Variants in FAM229A observed in about 807,000 individuals in gnomAD.
FAM229A encodes the protein protein FAM229A.
In FAM229A, 9 loss-of-function variants were observed where a neutral mutation model predicts 10.0. The ratio of observed to expected loss-of-function variants is 0.90; its 90% confidence interval spans 0.54 to 1.56. The LOEUF (loss-of-function observed/expected upper bound fraction) is 1.56, where lower values mean the gene tolerates loss of function less well. Among genes scored for constraint, FAM229A ranks in the 40% most tolerant of loss-of-function variants. The pLI is 0.00. For synonymous variants in FAM229A, 93 were observed against 90.1 expected, an observed-to-expected ratio of 1.03 and a Z score of -0.19; for missense variants, 196 against 197.6, an observed-to-expected ratio of 0.99 and a Z score of 0.05.
chr1:32,362,107 G>A lies in FAM229A; in HGVS notation c.-16C>T. The A allele has an allele frequency of 7.3e-7, 1 of 1,368,552 alleles. No homozygotes were observed. The highest frequency in any genetic ancestry group is 9.4e-7 in the Non-Finnish European group (1 of 1,063,058). 84.8% of individuals were successfully genotyped at this position (1,368,552 alleles called of 1,614,324 possible). A position where few individuals can be genotyped will look rare whatever the true frequency, so the allele number is the denominator to read the frequency against. ...AGGGCAGCATTGTGACCCGGGCCGC[G>A]GCGCGCTGACCTCACAGAGCACGTT... On this transcript the variant is annotated 5_prime_UTR_variant, in exon 1 of 3. Transcript: ENST00000432622.
chr1:32,361,432 C>T lies in FAM229A; in HGVS notation c.*1G>A, dbSNP rs2148094808. 1 of 1,329,368 alleles carries T rather than the reference C, an allele frequency of 7.5e-7. No homozygotes were observed. Among genetic ancestry groups the T allele is most frequent in the East Asian group, 3.1e-5 (1 of 31,994 alleles). The allele number at this position is 1,329,368 out of a possible 1,614,324, so 82.3% of individuals were successfully genotyped here. The stretch of plus-strand genomic sequence containing the variant: ...CGCGGAGCCGCAGGGAGCAGGCGCA[C>T]TCACGTGGCGCGGGCCCGGGGGCTC... On this transcript the variant is annotated 3_prime_UTR_variant, in exon 3 of 3. Transcript: ENST00000432622.
Position 32,362,380 on chromosome 1 carries a change from C to T in FAM229A, c.-289G>A. 2.1e-6 allele frequency: 1 copy of T among 476,908 alleles called. No individual in the cohort carries two copies. The highest frequency in any genetic ancestry group is 3.6e-6 in the Non-Finnish European group (1 of 275,600). The allele number at this position is 476,908 out of a possible 1,614,324, so 29.5% of individuals were successfully genotyped here. ...TCCCAGGCGGGACTACAACTCAATG[C>T]CTGGCACGGGGGCGGGCTCGGCGGT... is the stretch of plus-strand genomic sequence containing the variant. On this transcript the variant is annotated 5_prime_UTR_variant, in exon 1 of 3. Transcript: ENST00000432622.
Position 32,361,781 on chromosome 1 carries a change from G to T in FAM229A, c.230C>A (p.Pro77His). The T allele has an allele frequency of 7.6e-7, 1 of 1,324,396 alleles. No individual in the cohort carries two copies. The allele number at this position is 1,324,396 out of a possible 1,614,324, so 82.0% of individuals were successfully genotyped here. A position where few individuals can be genotyped will look rare whatever the true frequency, so the allele number is the denominator to read the frequency against. Residue 77 changes from proline (P) to histidine (H), a missense_variant, in exon 2 of 3, where the codon CCC becomes CAC. Physicochemically the swap from Pro to His is moderately conservative, Grantham distance 77. Coordinates refer to ENST00000432622, the MANE Select transcript of FAM229A (RefSeq NM_001167676.2). ...AGDSRGLAAA[P>H]ESQDSPEAVA... ...CGCCTCCGGGCTGTCCTGGGACTCGGGGGCGGCGGCAAGGCCACGGGAGTC... is the reference window on the plus strand; with the variant it reads ...CGCCTCCGGGCTGTCCTGGGACTCGTGGGCGGCGGCAAGGCCACGGGAGTC...
chr1:32,361,623 C>T, intron 2 of FAM229A, 88 bp from the exon 3 acceptor site: 1 of 1,254,356 alleles, frequency 8.0e-7, no homozygotes, highest in Non-Finnish European at 1.0e-6. Context: ...CCTGGGGTCC[C>T]CGGGGGTCCG....
Position 32,362,227 on chromosome 1 carries a change from T to G in FAM229A, c.-136A>C. ...ACTGGAGGCCTCTGGCCATGGCGCC[T>G]GGAGACGGGGTCGCGCAGACCCCGG... On this transcript the variant is annotated 5_prime_UTR_variant, in exon 1 of 3. Transcript: ENST00000432622. 1 of 1,192,374 alleles carries G rather than the reference T, an allele frequency of 8.4e-7. No homozygotes were observed. The highest frequency in any genetic ancestry group is 1.6e-5 in the African/African-American group (1 of 62,994). 73.9% of individuals were successfully genotyped at this position (1,192,374 alleles called of 1,614,324 possible).
chr1:32,361,919 C>T (rs1475646458), intron 1 of FAM229A, 39 bp downstream of exon 1: 13 of 1,384,156 alleles, frequency 9.4e-6, no homozygotes, highest in East Asian at 3.1e-5. Flanking sequence ...GGTCGCCGGG[C>T]GCCGCCGCCT....
In FAM229A at chr1:32,361,342, C is replaced by T; in HGVS notation, c.*91G>A. On this transcript the variant is annotated 3_prime_UTR_variant, in exon 3 of 3. Coordinates refer to ENST00000432622, the MANE Select transcript of FAM229A (RefSeq NM_001167676.2). ...TTTATTTTAAAATGTGCATCATTGT[C>T]TCGTGCTCGGCGCATGCGACCTCAG... is the stretch of plus-strand genomic sequence containing the variant. 1.8e-6 allele frequency: 1 copy of T among 542,522 alleles called. No individual in the cohort carries two copies. Among genetic ancestry groups the T allele is most frequent in the Non-Finnish European group, 2.8e-6 (1 of 351,512 alleles). 33.6% of individuals were successfully genotyped at this position (542,522 alleles called of 1,614,324 possible). A position where few individuals can be genotyped will look rare whatever the true frequency, so the allele number is the denominator to read the frequency against.
Position 32,361,424 on chromosome 1 carries a change from C to T in FAM229A, c.*9G>A. On this transcript the variant is annotated 3_prime_UTR_variant, in exon 3 of 3. Transcript: ENST00000432622. ...CCAGCTCCCGCGGAGCCGCAGGGAG[C>T]AGGCGCACTCACGTGGCGCGGGCCC... 7 of 1,319,182 alleles carry T rather than the reference C, an allele frequency of 5.3e-6. No individual in the cohort carries two copies. Among genetic ancestry groups the T allele is most frequent in the Non-Finnish European group, 6.8e-6 (7 of 1,032,608 alleles). The allele number at this position is 1,319,182 out of a possible 1,614,324, so 81.7% of individuals were successfully genotyped here.
rs1281159628 is a variant in FAM229A, at chr1:32,361,958, C to T, written c.134G>A (p.Arg45Lys). The T allele has an allele frequency of 2.9e-5, 42 of 1,469,822 alleles. No homozygotes were observed. In the Admixed American group the frequency reaches 4.8e-4, roughly 17 times the overall value. 91.0% of individuals were successfully genotyped at this position (1,469,822 alleles called of 1,614,324 possible). The stretch of plus-strand genomic sequence containing the variant: ...GCCCGCCCCCTGGGCCGTCGCTCAC[C>T]TCCCGGCGGTTGAGACCGGTCCCAG... ...SSLGPVSTAGRAPRGLDMSAQ... is the reference protein window; with the variant it reads ...SSLGPVSTAGKAPRGLDMSAQ... Residue 45 changes from arginine to lysine, a missense_variant and splice_region_variant, in exon 1 of 3, where the codon AGA becomes AAA. Arg to Lys is a conservative substitution (Grantham distance 26). Transcript: ENST00000432622.
At position 32,362,274 on chromosome 1, in the gene FAM229A, G is replaced by T; in HGVS notation, c.-183C>A. The T allele has an allele frequency of 1.1e-6, 1 of 871,768 alleles. No homozygotes were observed. Among genetic ancestry groups the T allele is most frequent in the Non-Finnish European group, 1.5e-6 (1 of 646,070 alleles). 54.0% of individuals were successfully genotyped at this position (871,768 alleles called of 1,614,324 possible). On this transcript the variant is annotated 5_prime_UTR_variant, in exon 1 of 3. In the 5' UTR this introduces an upstream ATG that the reference lacks. Coordinates refer to ENST00000432622, the MANE Select transcript of FAM229A (RefSeq NM_001167676.2). ...CCGGACACCCGAGGGGGGCGCAGCA[G>T]GCCAGGGCAACCCGCCGCGAGGCGG...
Position 32,362,014 on chromosome 1 carries a change from G to C in FAM229A, c.78C>G (p.Pro26=). 1 of 1,485,360 alleles carries C rather than the reference G, an allele frequency of 6.7e-7. No individual in the cohort carries two copies. The highest frequency in any genetic ancestry group is 8.9e-7 in the Non-Finnish European group (1 of 1,125,198). The allele number at this position is 1,485,360 out of a possible 1,614,324, so 92.0% of individuals were successfully genotyped here. The change falls in exon 1 of 3, where the codon CCC becomes CCG. Residue 26 remains proline, a synonymous_variant. Coordinates refer to ENST00000432622, the MANE Select transcript of FAM229A (RefSeq NM_001167676.2). The stretch of plus-strand genomic sequence containing the variant: ...AAGCAGCTGCCGGAGCCCTGGCCGC[G>C]GGAGAACGCTCCGGTCCAGGCGGAG... ...CPAPPGPERS[P]AARAPAAASS...
Position 32,361,832 on chromosome 1 carries a change from C to T in FAM229A, c.179G>A (p.Gly60Asp), listed in dbSNP as rs1349853197. The stretch of plus-strand genomic sequence containing the variant: ...TCCGGCCTCAATGGGGAATCTCCGA[C>T]CCTGCGGGGGCTCCTGGGCGCTCAT... ...LDMSAQEPPQ[G>D]RRFPIEAGDS... The change falls in exon 2 of 3, where the codon GGT (glycine) becomes GAT (aspartate). Residue 60 changes from glycine to aspartate, a missense_variant. Coordinates refer to ENST00000432622, the MANE Select transcript of FAM229A (RefSeq NM_001167676.2). 3.0e-6 allele frequency: 4 copies of T among 1,332,962 alleles called. No homozygotes were observed. The highest frequency in any genetic ancestry group is 3.8e-6 in the Non-Finnish European group (4 of 1,045,044). 82.6% of individuals were successfully genotyped at this position (1,332,962 alleles called of 1,614,324 possible). A position where few individuals can be genotyped will look rare whatever the true frequency, so the allele number is the denominator to read the frequency against.
Position 32,362,327 on chromosome 1 carries a change from C to T in FAM229A, c.-236G>A, listed in dbSNP as rs1010765374. The T allele has an allele frequency of 3.4e-5, 17 of 505,004 alleles. No individual in the cohort carries two copies. The East Asian group carries it at 4.8e-4, about 14-fold the overall frequency. 31.3% of individuals were successfully genotyped at this position (505,004 alleles called of 1,614,324 possible). On this transcript the variant is annotated 5_prime_UTR_variant, in exon 1 of 3. Coordinates refer to ENST00000432622, the MANE Select transcript of FAM229A (RefSeq NM_001167676.2). ...TCCACGCCGAGGAGCCGCGCATTCC[C>T]GGTCCACACAGACGCGGCGGAGCGC...
rs1232117335 is a variant in FAM229A, at chr1:32,361,549, C to G, written c.282-14G>C. The G allele has an allele frequency of 7.5e-7, 1 of 1,331,652 alleles. No homozygotes were observed. Among genetic ancestry groups the G allele is most frequent in the Non-Finnish European group, 9.6e-7 (1 of 1,039,480 alleles). The allele number at this position is 1,331,652 out of a possible 1,614,324, so 82.5% of individuals were successfully genotyped here. ...CGACGAAGCGGCCTGGGGAAATTGACGCGCGACAGGGGCCGCTGAGGCAGG... is the reference window on the plus strand; with the variant it reads ...CGACGAAGCGGCCTGGGGAAATTGAGGCGCGACAGGGGCCGCTGAGGCAGG... On this transcript the variant is annotated splice_polypyrimidine_tract_variant and intron_variant, in intron 2 of 2. Coordinates refer to ENST00000432622, the MANE Select transcript of FAM229A (RefSeq NM_001167676.2).
In FAM229A at chr1:32,361,458, C is replaced by T; in HGVS notation, c.359G>A (p.Gly120Glu). 1.5e-6 allele frequency: 2 copies of T among 1,369,964 alleles called. No homozygotes were observed. Among genetic ancestry groups the T allele is most frequent in the Admixed American group, 3.5e-5 (1 of 28,324 alleles). 84.9% of individuals were successfully genotyped at this position (1,369,964 alleles called of 1,614,324 possible). A position where few individuals can be genotyped will look rare whatever the true frequency, so the allele number is the denominator to read the frequency against. The stretch of plus-strand genomic sequence containing the variant: ...TCACGTGGCGCGGGCCCGGGGGCTC[C>T]CGCCCATGGCGAGGTAGACGTCGAT... ...VPIDVYLAMG[G>E]SPRARAT is the part of the protein sequence containing the mutation. Residue 120 changes from glycine to glutamate, a missense_variant, in exon 3 of 3, where the codon GGG (glycine) becomes GAG (glutamate). Physicochemically the swap from Gly to Glu is moderately conservative, Grantham distance 98 (BLOSUM62 -2). Transcript: ENST00000432622.
chr1:32,361,893 G>T lies in FAM229A; in HGVS notation c.135-17C>A. On this transcript the variant is annotated splice_polypyrimidine_tract_variant and intron_variant, in intron 1 of 2. Coordinates refer to ENST00000432622, the MANE Select transcript of FAM229A (RefSeq NM_001167676.2). ...CGGGGCGCTCTGCGCGGGGAGTGGC[G>T]GTCAGGCCTCTCCCGGGTCGCCGGG... 2 of 1,359,148 alleles carry T rather than the reference G, an allele frequency of 1.5e-6. No homozygotes were observed. Among genetic ancestry groups the T allele is most frequent in the East Asian group, 3.1e-5 (1 of 32,346 alleles). 84.2% of individuals were successfully genotyped at this position (1,359,148 alleles called of 1,614,324 possible).
chr1:32,361,926 G>A, intron 1 of FAM229A, 32 bp downstream of exon 1: 1 of 1,392,144 alleles, frequency 7.2e-7, no homozygotes, highest in Non-Finnish European at 9.3e-7. Flanking sequence ...GGGCGCCGCC[G>A]CCTCGCGCCC....
At position 32,362,030 on chromosome 1, in the gene FAM229A, C is replaced by G; in HGVS notation, c.62G>C (p.Gly21Ala). ...CCTGGCCGCGGGAGAACGCTCCGGT[C>G]CAGGCGGAGCCGGGCAGGTCTCTGT... ...HATETCPAPP[G>A]PERSPAARAP... Residue 21 changes from glycine (G) to alanine (A), a missense_variant, in exon 1 of 3, where the codon GGA becomes GCA. Transcript: ENST00000432622. 2 of 1,481,670 alleles carry G rather than the reference C, an allele frequency of 1.3e-6. No homozygotes were observed. Among genetic ancestry groups the G allele is most frequent in the Non-Finnish European group, 1.8e-6 (2 of 1,123,168 alleles). The allele number at this position is 1,481,670 out of a possible 1,614,324, so 91.8% of individuals were successfully genotyped here. A position where few individuals can be genotyped will look rare whatever the true frequency, so the allele number is the denominator to read the frequency against.
chr1:32,361,325 A>C lies in FAM229A; in HGVS notation c.*108T>G, dbSNP rs1641698459. On this transcript the variant is annotated 3_prime_UTR_variant, in exon 3 of 3. Transcript: ENST00000432622. ...AAAATGTGCATCATTCTTTTATTTT[A>C]AAATGTGCATCATTGTCTCGTGCTC... 1 of 484,580 alleles carries C rather than the reference A, an allele frequency of 2.1e-6. No homozygotes were observed. Among genetic ancestry groups the C allele is most frequent in the South Asian group, 7.9e-5 (1 of 12,638 alleles). The allele number at this position is 484,580 out of a possible 1,614,324, so 30.0% of individuals were successfully genotyped here.
Sources: allele counts gnomAD v4.1 joint callset, GRCh38; gene constraint gnomAD v4.1.1; transcripts MANE v1.5; gene names NCBI Gene and HGNC (gene_info 2026-07-23, HGNC 2026-07-21).